Variants in ELP2 observed in about 807,000 individuals in gnomAD.
ELP2 encodes elongator acetyltransferase complex subunit 2.
In ELP2, 90 loss-of-function variants were observed where a neutral mutation model predicts 119.2. The observed-to-expected ratio is 0.75, with a 90% CI of 0.64 to 0.90. ELP2 has a LOEUF of 0.90. ELP2 is among the 40% of genes least tolerant of loss of function. The probability of loss-of-function intolerance (pLI) is 0.00; values close to 1 mark genes in which losing one functional copy is unlikely to be tolerated. For synonymous variants in ELP2, 339 were observed against 331.0 expected, an observed-to-expected ratio of 1.02 and a Z score of -0.26; for missense variants, 921 against 967.8, an observed-to-expected ratio of 0.95 and a Z score of 0.64.
rs974667110 is a variant in ELP2, at chr18:36,129,944, C to G, written c.11C>G (p.Pro4Arg). The G allele has an allele frequency of 6.2e-7, 1 of 1,614,218 alleles. No individual in the cohort carries two copies. Among genetic ancestry groups the G allele is most frequent in the Admixed American group, 1.7e-5 (1 of 60,030 alleles). The change falls in exon 1 of 22, where the codon CCC becomes CGC. Residue 4 changes from proline to arginine, a missense_variant. Coordinates refer to ENST00000358232, the MANE Select transcript of ELP2 (RefSeq NM_018255.4). The part of the protein sequence containing the change: MVA[P>R]VLETSHVFCC... ...TGACCAGTTGGCGACATGGTGGCACCCGTGCTGGAGACTTCTCACGTGTTT... is the reference window on the plus strand; with the variant it reads ...TGACCAGTTGGCGACATGGTGGCACGCGTGCTGGAGACTTCTCACGTGTTT...
At position 36,171,038 on chromosome 18, in the gene ELP2, T is replaced by TA; in HGVS notation, c.2211-4dup. The TA allele has an allele frequency of 6.3e-7, 1 of 1,591,042 alleles. No individual in the cohort carries two copies. Among genetic ancestry groups the TA allele is most frequent in the Non-Finnish European group, 8.6e-7 (1 of 1,159,018 alleles). On this transcript the variant is annotated splice_polypyrimidine_tract_variant and intron_variant, in intron 20 of 21. Coordinates refer to ENST00000358232, the MANE Select transcript of ELP2 (RefSeq NM_018255.4). ...GTTAATCACTGTTGTCCCCCTCCCT[T>TA]AAAAACAGATACGTGGTTGCAGTAG...
At chr18:36,171,232 C>A in intron 21 of ELP2, 72 bp downstream of exon 21, 1 of 1,033,012 alleles carries the variant, frequency 9.7e-7, no homozygotes, top group South Asian at 1.3e-5. Context: ...AAATTTTATG[C>A]CACATTTTCA....
chr18:36,145,495 G>A (rs1380132668), intron 9 of ELP2: 11 of 285,890 alleles, frequency 3.8e-5, no homozygotes, highest in Non-Finnish European at 6.7e-5. Flanking sequence ...GCTGGTGCTG[G>A]GTGTATAGCT....
At chr18:36,149,419 T>TC (rs1567995303) in intron 11 of ELP2, among the ~76,000 whole-genome samples, 1 of 151,452 alleles carries the variant, frequency 6.6e-6, no homozygotes, top group Non-Finnish European at 1.5e-5. Flanking sequence ...TACAACCCAT[T>TC]CCCGTCATGC....
chr18:36,160,072 C>G (rs185008570), intron 16 of ELP2, 57 bp downstream of exon 16: 1 of 1,514,480 alleles, frequency 6.6e-7, no homozygotes, highest in East Asian at 2.3e-5. Context: ...TCTGACTTTT[C>G]CTCCCCACCC....
intron 20 of ELP2, 65 bp downstream of exon 20, chr18:36,170,261 G>A: frequency 6.3e-7 from 1 of 1,579,866 alleles, no homozygotes; most frequent in South Asian, 1.1e-5. Flanking sequence ...TAGCCCTCAT[G>A]TCATTTCATT....
In ELP2 at chr18:36,154,988, G is replaced by C; in HGVS notation, c.1264G>C (p.Asp422His). The C allele has an allele frequency of 6.2e-7, 1 of 1,612,874 alleles. No homozygotes were observed. Residue 422 changes from aspartate to histidine, a missense_variant, in exon 12 of 22, where the codon GAC becomes CAC. Asp to His is a moderately conservative substitution (Grantham distance 81). Transcript: ENST00000358232. The stretch of plus-strand genomic sequence containing the variant: ...ACTTTTTGCTCCATGGAAGAGAAAA[G>C]ACCAATCACAGGTAAAATGTCTTAT... ...TRLFAPWKRK[D>H]QSQVTWHEIA...
chr18:36,148,198 A>G (rs1407514808), intron 11 of ELP2, among the ~76,000 whole-genome samples: 1 of 149,766 alleles, frequency 6.7e-6, no homozygotes, highest in Non-Finnish European at 1.5e-5. Context: ...AGTTCACACC[A>G]TTCTCCTGCC....
intron 21 of ELP2, among the ~76,000 whole-genome samples, chr18:36,174,098 A>T (rs2091162551): frequency 6.6e-6 from 1 of 152,232 alleles, no homozygotes; most frequent in South Asian, 2.1e-4. Context: ...TCTAGAATAT[A>T]TTGTAAAGTT....
At chr18:36,144,529 A>G (rs1373067350) in intron 8 of ELP2, among the ~76,000 whole-genome samples, 1 of 152,158 alleles carries the variant, frequency 6.6e-6, no homozygotes, top group Non-Finnish European at 1.5e-5. Context: ...ACAATTCAAG[A>G]TGAGATTTAG....
At chr18:36,140,995 G>A (rs888797823) in intron 5 of ELP2, 142 bp from the exon 6 acceptor site, 6 of 743,410 alleles carry the variant, frequency 8.1e-6, no homozygotes, top group Non-Finnish European at 1.5e-5. Flanking sequence ...GACATTTATT[G>A]AGCATTTTCA....
rs8094637 is a variant in ELP2, at chr18:36,165,918, G to A, written c.1955-1183G>A. ...AAATAAGTTAAAGTTGGACGGGTGC[G>A]GTGGCTCACACCTGTAATCCTACCA... On this transcript the variant is annotated intron_variant, in intron 18 of 21. Coordinates refer to ENST00000358232, the MANE Select transcript of ELP2 (RefSeq NM_018255.4). Among the ~76,000 whole-genome samples, 1,148 of 151,784 alleles carry A rather than the reference G, an allele frequency of 7.6e-3. 19 individuals carry two copies. Among genetic ancestry groups the A allele is most frequent in the African/African-American group, 0.026 (1,058 of 41,388 alleles).
At chr18:36,152,702 G>T (rs55928542) in intron 11 of ELP2, among the ~76,000 whole-genome samples, 7 of 152,244 alleles carry the variant, frequency 4.6e-5, no homozygotes, top group East Asian at 1.9e-4. Context: ...ATAATCTCCC[G>T]TGTGTCTGGA....
chr18:36,169,928 A>T, intron 19 of ELP2, 135 bp from the exon 20 acceptor site: 1 of 1,153,772 alleles, frequency 8.7e-7, no homozygotes, highest in Admixed American at 1.9e-5. Flanking sequence ...CTGGCACACC[A>T]TACACGAATG....
At chr18:36,139,619 T>G in intron 5 of ELP2, 1 of 1,519,870 alleles carries the variant, frequency 6.6e-7, no homozygotes, top group Non-Finnish European at 8.8e-7. Flanking sequence ...GCCAAGTGAC[T>G]GGAGTTTTGT....
chr18:36,163,001 G>A (rs80052673), intron 17 of ELP2, among the ~76,000 whole-genome samples: 10,443 of 151,998 alleles, frequency 0.069, 441 homozygotes, highest in Middle Eastern at 0.095. Context: ...CTGGATTTTA[G>A]CATACCCATC....
rs1356904661 is a variant in ELP2 at position 36,154,958 on chromosome 18, A to G, written c.1234A>G (p.Thr412Ala). ...FIITVGTDQT[T>A]RLFAPWKRKD... is the part of the protein sequence containing the mutation. The stretch of plus-strand genomic sequence containing the variant: ...TATCACTGTTGGTACTGATCAGACA[A>G]CTAGACTTTTTGCTCCATGGAAGAG... Residue 412 changes from threonine to alanine, a missense_variant, in exon 12 of 22, where the codon ACT becomes GCT. Coordinates refer to ENST00000358232, the MANE Select transcript of ELP2 (RefSeq NM_018255.4). 1.9e-6 allele frequency: 3 copies of G among 1,613,984 alleles called. No homozygotes were observed. In the South Asian group the frequency reaches 3.3e-5, roughly 18 times the overall value.
At position 36,169,009 on chromosome 18, in the gene ELP2, C is replaced by G. The variant is rs372417718; in HGVS notation, c.2077-1054C>G. ...GCGTGATCTTGGCTCACTGCAACCC[C>G]CGCCTCCCAGGTTCAGGCGATTCTC... On this transcript the variant is annotated intron_variant, in intron 19 of 21. Coordinates refer to ENST00000358232, the MANE Select transcript of ELP2 (RefSeq NM_018255.4). 3.5e-4 allele frequency among the ~76,000 whole-genome samples: 52 copies of G among 148,654 alleles called. No homozygotes were observed. In the East Asian group the frequency reaches 8.7e-3, roughly 25 times the overall value.
At chr18:36,148,948 C>T (rs2090300171) in intron 11 of ELP2, among the ~76,000 whole-genome samples, 1 of 152,198 alleles carries the variant, frequency 6.6e-6, no homozygotes. Context: ...GTCTCCCAGG[C>T]TGAGGCCACT....
Sources: allele counts gnomAD v4.1 joint callset (sites outside exome capture counted in the v4.1 genomes callset), GRCh38; gene constraint gnomAD v4.1.1; transcripts MANE v1.5; gene names NCBI Gene and HGNC (gene_info 2026-07-23, HGNC 2026-07-21).